CLYBL: variants seen among roughly 807,000 people sequenced by gnomAD.
CLYBL encodes the protein citramalyl-CoA lyase.
A neutral mutation model predicts 38.9 loss-of-function variants in CLYBL; 31 were observed. The ratio of observed to expected loss-of-function variants is 0.80; its 90% CI spans 0.60 to 1.08. CLYBL has a LOEUF of 1.08. CLYBL is among the 50% of genes least tolerant of loss of function. CLYBL has a pLI of 0.00. For synonymous variants in CLYBL, 171 were observed against 158.6 expected, an observed-to-expected ratio of 1.08 and a Z score of -0.59; for missense variants, 434 against 411.6, an observed-to-expected ratio of 1.05 and a Z score of -0.47.
At chr13:99,672,990 C>A (rs1387196016) in intron 1 of CLYBL, among the ~76,000 whole-genome samples, 2 of 152,080 alleles carry the variant, frequency 1.3e-5, no homozygotes, top group Non-Finnish European at 2.9e-5. Context: ...CTGGGGAGAT[C>A]CATCCATGAA....
chr13:99,606,932 C>T (rs1047890320), intron 1 of CLYBL, among the ~76,000 whole-genome samples, 175 bp downstream of exon 1: 1 of 152,184 alleles, frequency 6.6e-6, no homozygotes, highest in Non-Finnish European at 1.5e-5. Flanking sequence ...CGCTGCCGCC[C>T]GCGCCTCCCT....
chr13:99,705,782 G>A (rs541480815), intron 1 of CLYBL, among the ~76,000 whole-genome samples: 127 of 152,038 alleles, frequency 8.4e-4, no homozygotes, highest in African/African-American at 2.9e-3. Context: ...GGTGTTAGTG[G>A]GCTTACAGTT....
intron 1 of CLYBL, among the ~76,000 whole-genome samples, chr13:99,691,266 G>T (rs374840183): frequency 2.0e-5 from 3 of 152,206 alleles, no homozygotes; most frequent in African/African-American, 7.2e-5. Flanking sequence ...TGTTTTGGGG[G>T]ATATTTTCTT....
chr13:99,624,001 A>G (rs1213183805), intron 1 of CLYBL, among the ~76,000 whole-genome samples: 6 of 151,566 alleles, frequency 4.0e-5, no homozygotes, highest in Non-Finnish European at 8.8e-5. Context: ...ATTGAATGCT[A>G]GGTATGGCGT....
At chr13:99,684,419 G>A (rs2047788032) in intron 1 of CLYBL, among the ~76,000 whole-genome samples, 1 of 152,050 alleles carries the variant, frequency 6.6e-6, no homozygotes, top group African/African-American at 2.4e-5. Flanking sequence ...TTGGTCTGTT[G>A]TTGACCTGAA....
At chr13:99,794,189 G>A (rs1314249047) in intron 2 of CLYBL, among the ~76,000 whole-genome samples, 7 of 152,214 alleles carry the variant, frequency 4.6e-5, no homozygotes. Flanking sequence ...GGGAGGCCGA[G>A]GCAGGCAGAT....
At chr13:99,880,462 T>A (rs555049651) in intron 7 of CLYBL, among the ~76,000 whole-genome samples, 1 of 152,226 alleles carries the variant, frequency 6.6e-6, no homozygotes, top group Non-Finnish European at 1.5e-5. Flanking sequence ...GAAAGGTAGC[T>A]TTATTCATTG....
chr13:99,875,673 T>G lies in CLYBL; in HGVS notation c.927+4611T>G, dbSNP rs2052019569. Among the ~76,000 whole-genome samples, 3 of 152,180 alleles carry G rather than the reference T, an allele frequency of 2.0e-5. 1 individual carries two copies. The South Asian group carries it at 6.2e-4, about 32-fold the overall frequency. ...ACCATCTAAAGACGTGGTTGTTGTC[T>G]TTGTCAACTGAAAGGGTTGATTCCA... On this transcript the variant is annotated intron_variant, in intron 7 of 8. Coordinates refer to ENST00000339105, the MANE Select transcript of CLYBL (RefSeq NM_206808.5).
intron 7 of CLYBL, among the ~76,000 whole-genome samples, chr13:99,871,507 G>C (rs143954630): frequency 2.0e-5 from 3 of 152,066 alleles, no homozygotes; most frequent in Non-Finnish European, 2.9e-5. Context: ...AATCTCCTCC[G>C]GTTTAGTCAT....
At position 99,666,156 on chromosome 13, in the gene CLYBL, A is replaced by T. The variant is rs571959614; in HGVS notation, c.62+59399A>T. 1.1e-4 allele frequency among the ~76,000 whole-genome samples: 16 copies of T among 152,278 alleles called. No individual in the cohort carries two copies. The East Asian group carries it at 2.9e-3, about 28-fold the overall frequency. Reference sequence around the variant, plus strand: ...TTGGGCTTTGGAATATTTTTGAGGCAACAAGGCCCAGAAGTGCACGTGAAG... The same window carrying T: ...TTGGGCTTTGGAATATTTTTGAGGCTACAAGGCCCAGAAGTGCACGTGAAG... On this transcript the variant is annotated intron_variant, in intron 1 of 8. Transcript: ENST00000339105.
intron 1 of CLYBL, among the ~76,000 whole-genome samples, chr13:99,613,851 A>G (rs960138111): frequency 1.3e-5 from 2 of 152,180 alleles, no homozygotes; most frequent in Non-Finnish European, 2.9e-5. Context: ...CAGTTGCCCA[A>G]ATGCATGGTG....
At chr13:99,654,987 A>G (rs984528390) in intron 1 of CLYBL, among the ~76,000 whole-genome samples, 2 of 152,048 alleles carry the variant, frequency 1.3e-5, no homozygotes, top group African/African-American at 4.8e-5. Flanking sequence ...CTTTCTGTGC[A>G]GTGGCTGATC....
At chr13:99,691,292 T>G (rs2047898015) in intron 1 of CLYBL, among the ~76,000 whole-genome samples, 1 of 152,208 alleles carries the variant, frequency 6.6e-6, no homozygotes, top group Non-Finnish European at 1.5e-5. Context: ...ATATCTAAGT[T>G]ATCTAGAGTT....
intron 1 of CLYBL, among the ~76,000 whole-genome samples, chr13:99,751,532 T>C (rs1380343693): frequency 6.6e-6 from 1 of 152,184 alleles, no homozygotes; most frequent in Non-Finnish European, 1.5e-5. Context: ...ACCTTGAAGA[T>C]ATTATGCTGA....
intron 2 of CLYBL, among the ~76,000 whole-genome samples, chr13:99,815,894 T>A (rs1023153888): frequency 3.3e-5 from 5 of 152,054 alleles, no homozygotes; most frequent in African/African-American, 1.2e-4. Context: ...TAATAATAAT[T>A]AACTAAAATT....
At chr13:99,838,115 T>C (rs1209140797) in intron 2 of CLYBL, among the ~76,000 whole-genome samples, 1 of 152,158 alleles carries the variant, frequency 6.6e-6, no homozygotes, top group Non-Finnish European at 1.5e-5. Flanking sequence ...TTAGATGTAT[T>C]TATAAAGGTA....
At chr13:99,897,974 G>A (rs543395615), downstream of CLYBL, among the ~76,000 whole-genome samples, 1 of 151,290 alleles carries the variant, frequency 6.6e-6, no homozygotes, top group South Asian at 2.1e-4. Flanking sequence ...AGAAAACTGG[G>A]CAGGTTCCCT....
intron 1 of CLYBL, among the ~76,000 whole-genome samples, chr13:99,722,556 A>C (rs2048410111): frequency 6.6e-6 from 1 of 151,938 alleles, no homozygotes; most frequent in African/African-American, 2.4e-5. Context: ...GGTTCATACC[A>C]GATGCTGGAT....
At chr13:99,780,505 C>T (rs555904080) in intron 2 of CLYBL, among the ~76,000 whole-genome samples, 179 of 152,056 alleles carry the variant, frequency 1.2e-3, no homozygotes, top group African/African-American at 4.1e-3. Context: ...CTCGGCCTCC[C>T]GAGTAGCTGA....
Sources: allele counts gnomAD v4.1 joint callset (sites outside exome capture counted in the v4.1 genomes callset), GRCh38; gene constraint gnomAD v4.1.1; transcripts MANE v1.5; gene names NCBI Gene and HGNC (gene_info 2026-07-23, HGNC 2026-07-21).